The following SLC22A23 variants were observed in gnomAD, a reference collection of about 807,000 sequenced individuals.
The protein encoded by SLC22A23 is solute carrier family 22 member 23.
In SLC22A23, 26 loss-of-function variants were observed where a neutral mutation model predicts 61.0. The ratio of observed to expected loss-of-function variants is 0.43; its 90% CI spans 0.31 to 0.59. SLC22A23 has a LOEUF of 0.59. SLC22A23 is among the 20% of genes least tolerant of loss of function. The pLI is 0.11. For synonymous variants in SLC22A23, 430 were observed against 413.9 expected, an observed-to-expected ratio of 1.04 and a Z score of -0.47; for missense variants, 796 against 934.7, an observed-to-expected ratio of 0.85 and a Z score of 1.94.
intron 9 of SLC22A23, among the ~76,000 whole-genome samples, chr6:3,279,210 A>G (rs1422183943): frequency 6.6e-6 from 1 of 151,948 alleles, no homozygotes; most frequent in African/African-American, 2.4e-5. Flanking sequence ...CTGGTTTTCT[A>G]TCAAAGATTC....
At chr6:3,356,620 G>A (rs1258849820) in intron 3 of SLC22A23, among the ~76,000 whole-genome samples, 1 of 152,082 alleles carries the variant, frequency 6.6e-6, no homozygotes, top group Non-Finnish European at 1.5e-5. Flanking sequence ...CACCATCCAC[G>A]TGAAACATTT....
chr6:3,423,701 A>T (rs538463166), intron 1 of SLC22A23, among the ~76,000 whole-genome samples: 8 of 152,378 alleles, frequency 5.3e-5, no homozygotes, highest in African/African-American at 1.7e-4. Context: ...ACAGGCTTCT[A>T]GCAACTCATT....
At position 3,355,978 on chromosome 6, in the gene SLC22A23, T is replaced by C. The variant is rs188244352; in HGVS notation, c.914-31976A>G. Among the ~76,000 whole-genome samples the C allele has an allele frequency of 8.0e-4, 80 of 100,028 alleles. No individual in the cohort carries two copies. The East Asian group carries it at 0.019, about 23-fold the overall frequency. The allele number at this position is 100,028 out of a possible 152,430, so 65.6% of individuals were successfully genotyped here. A position where few individuals can be genotyped will look rare whatever the true frequency, so the allele number is the denominator to read the frequency against. ...GGCAAAACTGTACAACGCAGTGTTC[T>C]AGATGTGGGAAAACCTAACGAAACT... On this transcript the variant is annotated intron_variant, in intron 3 of 9. Coordinates refer to ENST00000406686, the MANE Select transcript of SLC22A23 (RefSeq NM_015482.2).
chr6:3,428,224 G>A lies in SLC22A23; in HGVS notation c.655-12369C>T, dbSNP rs530535449. On this transcript the variant is annotated intron_variant, in intron 1 of 9. Transcript: ENST00000406686. ...AGGAGGCTGCAAAGCTGCCCAAGTC[G>A]CGGCCCTCACCAGAGTCTCTTATCA... Among the ~76,000 whole-genome samples the A allele has an allele frequency of 6.6e-5, 10 of 152,334 alleles. No homozygotes were observed. The East Asian group carries it at 1.2e-3, about 18-fold the overall frequency.
At chr6:3,415,431 C>A (rs1196642888) in intron 2 of SLC22A23, among the ~76,000 whole-genome samples, 1 of 152,218 alleles carries the variant, frequency 6.6e-6, no homozygotes, top group East Asian at 1.9e-4. Context: ...AGTGCATCCA[C>A]CTCCTGCAGC....
intron 1 of SLC22A23, among the ~76,000 whole-genome samples, chr6:3,452,811 C>T (rs911383566): frequency 2.6e-5 from 4 of 151,870 alleles, no homozygotes; most frequent in African/African-American, 9.7e-5. Flanking sequence ...AATACAAAGG[C>T]CAAGGCAAAA....
intron 3 of SLC22A23, among the ~76,000 whole-genome samples, chr6:3,404,103 G>A (rs776422432): frequency 4.6e-5 from 7 of 152,294 alleles, no homozygotes; most frequent in Middle Eastern, 3.4e-3. Context: ...AGGTTTTGAC[G>A]CACAGTTTAA....
At chr6:3,281,971 G>A (rs911751787) in intron 9 of SLC22A23, among the ~76,000 whole-genome samples, 4 of 152,164 alleles carry the variant, frequency 2.6e-5, no homozygotes, top group Non-Finnish European at 5.9e-5. Context: ...CCAGGTTTGC[G>A]TCAAAGAGGA....
chr6:3,327,240 C>T lies in SLC22A23; in HGVS notation c.914-3238G>A, dbSNP rs1300104045. 6.6e-6 allele frequency among the ~76,000 whole-genome samples: 1 copy of T among 152,246 alleles called. No homozygotes were observed. The highest frequency in any genetic ancestry group is 1.5e-5 in the Non-Finnish European group (1 of 68,034). On this transcript the variant is annotated intron_variant, in intron 3 of 9. Coordinates refer to ENST00000406686, the MANE Select transcript of SLC22A23 (RefSeq NM_015482.2). This position sits in a 1 kb window ranked among gnomAD's most constrained non-coding sequence, Gnocchi z 4.1. ...AATGATGTCCCCAATCCAACTGCCCCTTCAGGGCCTGGCTACTGTGGAGAG... is the reference window on the plus strand; with the variant it reads ...AATGATGTCCCCAATCCAACTGCCCTTTCAGGGCCTGGCTACTGTGGAGAG...
At chr6:3,431,135 G>A (rs1770838923) in intron 1 of SLC22A23, among the ~76,000 whole-genome samples, 1 of 152,108 alleles carries the variant, frequency 6.6e-6, no homozygotes, top group African/African-American at 2.4e-5. Flanking sequence ...AAAAATGTGG[G>A]GCAGGCTCAA....
Position 3,347,588 on chromosome 6 carries a change from C to T in SLC22A23, c.914-23586G>A, listed in dbSNP as rs376454661. Among the ~76,000 whole-genome samples, 10 of 152,078 alleles carry T rather than the reference C, an allele frequency of 6.6e-5. No homozygotes were observed. In the East Asian group the frequency reaches 1.3e-3, roughly 21 times the overall value. On this transcript the variant is annotated intron_variant, in intron 3 of 9. Coordinates refer to ENST00000406686, the MANE Select transcript of SLC22A23 (RefSeq NM_015482.2). The stretch of plus-strand genomic sequence containing the variant: ...CTCTTGGGTCTCCTAAGCTGCTTCT[C>T]TCCCAGCCTCCCTCTCTCATTCATC...
intron 3 of SLC22A23, among the ~76,000 whole-genome samples, chr6:3,398,570 G>A (rs1768170194): frequency 6.6e-6 from 1 of 151,462 alleles, no homozygotes; most frequent in Non-Finnish European, 1.5e-5. Flanking sequence ...GTTCTGTGCA[G>A]GAGATTCAGA....
chr6:3,450,358 G>A (rs1302794599), intron 1 of SLC22A23, among the ~76,000 whole-genome samples: 1 of 152,212 alleles, frequency 6.6e-6, no homozygotes, highest in Non-Finnish European at 1.5e-5. Context: ...TCAGGCTGGA[G>A]TGCAGTGGAG....
chr6:3,375,265 C>T (rs1305129186), intron 3 of SLC22A23, among the ~76,000 whole-genome samples: 1 of 152,188 alleles, frequency 6.6e-6, no homozygotes, highest in Admixed American at 6.5e-5. Flanking sequence ...TTAACATTTT[C>T]AGTACTCCCA....
chr6:3,285,151 C>T (rs769156966), intron 7 of SLC22A23, 40 bp from the exon 8 acceptor site: 1 of 1,611,762 alleles, frequency 6.2e-7, no homozygotes, highest in African/African-American at 1.3e-5. Flanking sequence ...CGGACAAGGG[C>T]CAAGCAAGCG....
chr6:3,285,017 G>T, intron 8 of SLC22A23, 62 bp downstream of exon 8: 2 of 1,595,710 alleles, frequency 1.3e-6, no homozygotes, highest in Non-Finnish European at 1.7e-6. Flanking sequence ...GAGTCTTCGA[G>T]AAAACACCCA....
intron 3 of SLC22A23, among the ~76,000 whole-genome samples, chr6:3,401,252 C>T (rs565906910): frequency 1.4e-4 from 22 of 152,302 alleles, no homozygotes; most frequent in South Asian, 6.2e-4. Context: ...GCGGGAGAAT[C>T]GCTTGAACCT....
At chr6:3,391,017 C>G (rs1407060458) in intron 3 of SLC22A23, among the ~76,000 whole-genome samples, 1 of 152,106 alleles carries the variant, frequency 6.6e-6, no homozygotes, top group Non-Finnish European at 1.5e-5. Context: ...TCAAACTTAC[C>G]AAAAATGCCC....
chr6:3,345,308 G>A (rs1764359975), intron 3 of SLC22A23, among the ~76,000 whole-genome samples: 1 of 151,708 alleles, frequency 6.6e-6, no homozygotes, highest in Non-Finnish European at 1.5e-5. Flanking sequence ...CTTCTTAGAG[G>A]GAAAGCACTC....
Sources: gnomAD v4.1 joint callset for allele counts (sites outside exome capture counted in the v4.1 genomes callset) on GRCh38, gnomAD v4.1.1 for gene constraint, Gnocchi (gnomAD v3.1) non-coding constraint, MANE v1.5 for transcripts, NCBI Gene and HGNC (gene_info 2026-07-23, HGNC 2026-07-21) for gene names.